Variants in CCDC170 observed in about 807,000 individuals in gnomAD.
CCDC170 encodes the protein coiled-coil domain containing 170.
Under a neutral mutation model 72.6 loss-of-function variants are expected in CCDC170, and 69 were observed. The ratio of observed to expected loss-of-function variants is 0.95; its 90% confidence interval spans 0.78 to 1.16. The LOEUF (loss-of-function observed/expected upper bound fraction) is 1.16, where lower values mean the gene tolerates loss of function less well. Among genes scored for constraint, CCDC170 ranks in the 50% most tolerant of loss-of-function variants. CCDC170 has a pLI of 0.00. For missense variants in CCDC170, 852 were observed against 832.5 expected, an observed-to-expected ratio of 1.02 and a Z score of -0.29; for synonymous variants, 300 against 303.9, an observed-to-expected ratio of 0.99 and a Z score of 0.13.
chr6:151,573,246 G>A lies in CCDC170; in HGVS notation c.847G>A (p.Ala283Thr), dbSNP rs770304753. The A allele has an allele frequency of 1.9e-6, 3 of 1,614,144 alleles. No individual in the cohort carries two copies. In the South Asian group the frequency reaches 3.3e-5, roughly 18 times the overall value. The change falls in exon 6 of 11, where the codon GCT (alanine) becomes ACT (threonine). Residue 283 changes from alanine (A) to threonine (T), a missense_variant. Physicochemically the swap from Ala to Thr is moderately conservative, Grantham distance 58. Coordinates refer to ENST00000239374, the MANE Select transcript of CCDC170 (RefSeq NM_025059.4). Reference protein sequence around the residue: ...EVKIFQERLLAGQQVWDASKQ... With the variant: ...EVKIFQERLLTGQQVWDASKQ... The stretch of plus-strand genomic sequence containing the variant: ...TAAGATCTTCCAAGAAAGGCTGCTT[G>A]CTGGCCAGCAGGTCTGGGATGCCTC...
intron 9 of CCDC170, among the ~76,000 whole-genome samples, chr6:151,597,596 C>T (rs997220386): frequency 2.6e-5 from 4 of 152,184 alleles, no homozygotes; most frequent in Non-Finnish European, 2.9e-5. Flanking sequence ...AGGGTATTTA[C>T]GTTGTGCTCT....
At chr6:151,605,730 T>TA (rs1776773185) in intron 9 of CCDC170, among the ~76,000 whole-genome samples, 1 of 152,154 alleles carries the variant, frequency 6.6e-6, no homozygotes, top group Non-Finnish European at 1.5e-5. Context: ...TCTGATTTTC[T>TA]TACTCTCTGT....
rs1041258918 is a variant in CCDC170 at position 151,517,229 on chromosome 6, G to A, written c.58-19089G>A. ...TGCCTATAATCCCATCTACTCGGGA[G>A]GCTGAGGCAGGAGAATTGCTTGAAT... is the stretch of plus-strand genomic sequence containing the variant. On this transcript the variant is annotated intron_variant, in intron 1 of 10. Coordinates refer to ENST00000239374, the MANE Select transcript of CCDC170 (RefSeq NM_025059.4). Among the ~76,000 whole-genome samples, 6 of 152,220 alleles carry A rather than the reference G, an allele frequency of 3.9e-5. 1 individual carries two copies. The South Asian group carries it at 6.2e-4, about 16-fold the overall frequency.
intron 1 of CCDC170, among the ~76,000 whole-genome samples, chr6:151,522,082 C>A (rs571597667): frequency 6.6e-6 from 1 of 151,910 alleles, no homozygotes; most frequent in East Asian, 1.9e-4. Flanking sequence ...ATCGCCTGAA[C>A]CTGGGAGGTG....
chr6:151,601,421 C>G (rs1441568631), intron 9 of CCDC170, among the ~76,000 whole-genome samples: 1 of 152,096 alleles, frequency 6.6e-6, no homozygotes, highest in East Asian at 1.9e-4. Flanking sequence ...CAAGGTTCAT[C>G]CCATGTTGTA....
chr6:151,499,023 C>T lies in CCDC170; in HGVS notation c.57+4838C>T, dbSNP rs958083846. Among the ~76,000 whole-genome samples the T allele has an allele frequency of 2.6e-3, 297 of 115,514 alleles. 1 individual carries two copies. The highest frequency in any genetic ancestry group is 0.011 in the African/African-American group (278 of 25,812). The allele number at this position is 115,514 out of a possible 152,430, so 75.8% of individuals were successfully genotyped here. A position where few individuals can be genotyped will look rare whatever the true frequency, so the allele number is the denominator to read the frequency against. The stretch of plus-strand genomic sequence containing the variant: ...AGACTGTATTTGACTATTCTAGGCA[C>T]GCTGTATAAGTGGAATCAGACTGTA... On this transcript the variant is annotated intron_variant, in intron 1 of 10. Transcript: ENST00000239374.
At chr6:151,526,006 T>C (rs1410691886) in intron 1 of CCDC170, among the ~76,000 whole-genome samples, 3 of 152,146 alleles carry the variant, frequency 2.0e-5, no homozygotes, top group Non-Finnish European at 4.4e-5. Flanking sequence ...AAGCATACTT[T>C]AAATTTGTTT....
At chr6:151,616,881 G>A (rs1776976507) in intron 10 of CCDC170, among the ~76,000 whole-genome samples, 1 of 151,998 alleles carries the variant, frequency 6.6e-6, no homozygotes, top group Non-Finnish European at 1.5e-5. Flanking sequence ...ATTCATGAGG[G>A]CTCCACCCTC....
chr6:151,584,078 G>A (rs533323877), intron 6 of CCDC170, among the ~76,000 whole-genome samples: 3 of 152,334 alleles, frequency 2.0e-5, no homozygotes, highest in Non-Finnish European at 2.9e-5. Context: ...CAAAGTGAGC[G>A]TGTGCTGTCA....
At chr6:151,521,589 ATGT>A (rs1489541489) in intron 1 of CCDC170, among the ~76,000 whole-genome samples, 3 of 152,180 alleles carry the variant, frequency 2.0e-5, no homozygotes, top group African/African-American at 4.8e-5. Context: ...CAAGTTAATA[ATGT>A]TTATTGAACA....
At chr6:151,499,626 G>A (rs945946089) in intron 1 of CCDC170, among the ~76,000 whole-genome samples, 4 of 113,304 alleles carry the variant, frequency 3.5e-5, no homozygotes, top group Admixed American at 3.2e-4. Context: ...TTTTAGGCAC[G>A]CTGCATAAGT....
rs1055579468 is a variant in CCDC170, at chr6:151,585,913, A to G, written c.1117A>G (p.Ile373Val). 2 of 1,613,794 alleles carry G rather than the reference A, an allele frequency of 1.2e-6. No individual in the cohort carries two copies. Among genetic ancestry groups the G allele is most frequent in the Non-Finnish European group, 8.5e-7 (1 of 1,179,878 alleles). The change falls in exon 7 of 11, where the codon ATA (isoleucine) becomes GTA (valine). Residue 373 changes from isoleucine (I) to valine (V), a missense_variant. Physicochemically the swap from Ile to Val is conservative, Grantham distance 29 (BLOSUM62 3). Transcript: ENST00000239374. ...DRMVSQLEAQ[I>V]SELVEQLGKE... Reference sequence around the variant, plus strand: ...GATGGTCTCCCAGCTTGAAGCCCAAATATCTGAGCTTGTTGAACAGTTGGG... The same window carrying G: ...GATGGTCTCCCAGCTTGAAGCCCAAGTATCTGAGCTTGTTGAACAGTTGGG...
intron 6 of CCDC170, among the ~76,000 whole-genome samples, chr6:151,580,950 C>T (rs1353766045): frequency 2.0e-5 from 3 of 152,090 alleles, no homozygotes; most frequent in Non-Finnish European, 4.4e-5. Flanking sequence ...TGTGCAATAA[C>T]CCTATATCTA....
chr6:151,525,458 T>C (rs943124968), intron 1 of CCDC170, among the ~76,000 whole-genome samples: 9 of 152,310 alleles, frequency 5.9e-5, no homozygotes, highest in Admixed American at 2.0e-4. Context: ...AACTGATCAA[T>C]TGACCTTATG....
chr6:151,604,653 G>A (rs1424340204), intron 9 of CCDC170, among the ~76,000 whole-genome samples: 1 of 152,130 alleles, frequency 6.6e-6, no homozygotes, highest in African/African-American at 2.4e-5. Flanking sequence ...ATTTCGACAC[G>A]TGCTCTTACG....
chr6:151,525,025 C>T (rs1055496109), intron 1 of CCDC170, among the ~76,000 whole-genome samples: 2 of 150,630 alleles, frequency 1.3e-5, no homozygotes, highest in African/African-American at 4.9e-5. Context: ...CTCCGCCTCC[C>T]AGGTTCACGC....
At chr6:151,523,825 A>C (rs940649263) in intron 1 of CCDC170, among the ~76,000 whole-genome samples, 11 of 152,264 alleles carry the variant, frequency 7.2e-5, no homozygotes, top group African/African-American at 2.2e-4. Context: ...TACTTGCACA[A>C]CAAAAGCATT....
intron 1 of CCDC170, among the ~76,000 whole-genome samples, chr6:151,496,626 A>G (rs565096130): frequency 1.3e-5 from 2 of 152,308 alleles, no homozygotes; most frequent in South Asian, 4.1e-4. Context: ...AAAGCTTTGT[A>G]CTTTTCCTAC....
At chr6:151,495,318 A>C (rs1250627031) in intron 1 of CCDC170, among the ~76,000 whole-genome samples, 1 of 152,016 alleles carries the variant, frequency 6.6e-6, no homozygotes, top group Admixed American at 6.5e-5. Context: ...TGACATTTTC[A>C]TATTTGACTT....
Sources: allele counts gnomAD v4.1 joint callset (sites outside exome capture counted in the v4.1 genomes callset), GRCh38; gene constraint gnomAD v4.1.1; transcripts MANE v1.5; gene names NCBI Gene and HGNC (gene_info 2026-07-23, HGNC 2026-07-21).